The following ABLIM2 variants were observed in gnomAD, a reference collection of about 807,000 sequenced individuals.
ABLIM2 encodes the protein actin-binding LIM protein 2.
ABLIM2 carries 53 observed loss-of-function variants against 97.7 expected under a neutral mutation model. The observed-to-expected ratio is 0.54, with a 90% CI of 0.44 to 0.68. ABLIM2 has a LOEUF of 0.68. ABLIM2 is among the 30% of genes least tolerant of loss of function. ABLIM2 has a pLI of 0.00. For synonymous variants in ABLIM2, 361 were observed against 345.8 expected (o/e 1.04, Z -0.49); for missense variants, 835 against 867.2 (o/e 0.96, Z 0.47).
intron 1 of ABLIM2, among the ~76,000 whole-genome samples, chr4:8,144,217 G>A (rs1019807464): frequency 5.9e-5 from 9 of 152,214 alleles, no homozygotes; most frequent in African/African-American, 2.2e-4. Context: ...CTGGTGCTCG[G>A]CCAGAAATTC....
intron 8 of ABLIM2, among the ~76,000 whole-genome samples, chr4:8,051,375 T>C (rs1330261513): frequency 3.1e-5 from 4 of 129,868 alleles, no homozygotes; most frequent in Non-Finnish European, 6.5e-5. Context: ...AATGAAACCC[T>C]GTCTCTACTA....
rs1458007043 is a variant in ABLIM2, at chr4:8,127,121, C to A, written c.11-20484G>T. On this transcript the variant is annotated intron_variant, in intron 1 of 20. Coordinates refer to ENST00000447017, the MANE Select transcript of ABLIM2 (RefSeq NM_001130083.2). The surrounding 1 kb of genome is among the most constrained non-coding windows in gnomAD (Gnocchi z 7.3). ...ATTGCCACATGTCCCCCTGGGAGCA[C>A]AGGAGCACAGCTGCCTGTGGGTGAG... 1.3e-5 allele frequency among the ~76,000 whole-genome samples: 2 copies of A among 150,892 alleles called. No individual in the cohort carries two copies. The highest frequency in any genetic ancestry group is 2.9e-5 in the Non-Finnish European group (2 of 67,892).
In ABLIM2 at chr4:8,069,364, G is replaced by A. The variant is rs561556314; in HGVS notation, c.675+8264C>T. Among the ~76,000 whole-genome samples, 15 of 152,388 alleles carry A rather than the reference G, an allele frequency of 9.8e-5. No homozygotes were observed. The highest frequency in any genetic ancestry group is 3.4e-3 in the Middle Eastern group (1 of 294). On this transcript the variant is annotated intron_variant, in intron 6 of 20. Transcript: ENST00000447017. This position sits in a 1 kb window ranked among gnomAD's most constrained non-coding sequence, Gnocchi z 4.2. ...AGGCTAGGGCAGAATCCCGCCTGTG[G>A]ATGTTCACACGCACTGCAGCGTGTC...
At chr4:8,104,476 A>G (rs1011685830) in intron 2 of ABLIM2, among the ~76,000 whole-genome samples, 2 of 152,214 alleles carry the variant, frequency 1.3e-5, no homozygotes, top group African/African-American at 4.8e-5. Flanking sequence ...GTGGATGTAC[A>G]GGGAATCCCT....
rs4696748 is a variant in ABLIM2 at position 8,069,288 on chromosome 4, G to A, written c.676-8234C>T. 0.35 allele frequency among the ~76,000 whole-genome samples: 53,497 copies of A among 152,218 alleles called. 9,951 individuals are homozygous for A. The highest frequency in any genetic ancestry group is 0.6 in the East Asian group (3,089 of 5,166). On this transcript the variant is annotated intron_variant, in intron 6 of 20. Transcript: ENST00000447017. This position sits in a 1 kb window ranked among gnomAD's most constrained non-coding sequence, Gnocchi z 4.2. ...GAACAAGGCAACACGGTGCCCAGGA[G>A]GCCAGCCTGAGCGGCCCTAGAGGAC...
intron 6 of ABLIM2, among the ~76,000 whole-genome samples, chr4:8,065,735 C>T (rs943274189): frequency 2.6e-5 from 4 of 151,778 alleles, no homozygotes; most frequent in African/African-American, 9.7e-5. Flanking sequence ...ACCAGCTTGA[C>T]CAACATGGTG....
rs1264251706 is a variant in ABLIM2, at chr4:8,021,256, C to T, written c.1268-953G>A. Among the ~76,000 whole-genome samples the T allele has an allele frequency of 6.6e-6, 1 of 152,152 alleles. No homozygotes were observed. The highest frequency in any genetic ancestry group is 2.4e-5 in the African/African-American group (1 of 41,420). Reference sequence around the variant, plus strand: ...CACCTGGAACTATAATTCTGTTTTGCGAACAAGGTTGGATTATCAAGTCAC... The same window carrying T: ...CACCTGGAACTATAATTCTGTTTTGTGAACAAGGTTGGATTATCAAGTCAC... On this transcript the variant is annotated intron_variant, in intron 12 of 20. Coordinates refer to ENST00000447017, the MANE Select transcript of ABLIM2 (RefSeq NM_001130083.2). This position sits in a 1 kb window ranked among gnomAD's most constrained non-coding sequence, Gnocchi z 5.5.
At chr4:8,037,309 C>T (rs908656258) in intron 9 of ABLIM2, among the ~76,000 whole-genome samples, 1 of 151,000 alleles carries the variant, frequency 6.6e-6, no homozygotes, top group African/African-American at 2.5e-5. Context: ...CACACACGCA[C>T]ATGCATGCGC....
At chr4:8,010,938 A>G (rs6837516) in intron 14 of ABLIM2, among the ~76,000 whole-genome samples, 125,013 of 152,284 alleles carry the variant, frequency 0.82, 51,564 homozygotes, top group African/African-American at 0.9. Flanking sequence ...TAAGAGCACA[A>G]CCATTGTCCA....
intron 2 of ABLIM2, among the ~76,000 whole-genome samples, chr4:8,105,397 C>A (rs1332374133): frequency 6.6e-6 from 1 of 152,246 alleles, no homozygotes; most frequent in African/African-American, 2.4e-5. Flanking sequence ...CTTGCGCCTT[C>A]CTGGTCTTTA....
rs368448715 is a variant in ABLIM2, at chr4:8,024,463, C to T, written c.1267+3296G>A. Among the ~76,000 whole-genome samples, 40 of 152,278 alleles carry T rather than the reference C, an allele frequency of 2.6e-4. No homozygotes were observed. The South Asian group carries it at 4.8e-3, about 18-fold the overall frequency. On this transcript the variant is annotated intron_variant, in intron 12 of 20. Transcript: ENST00000447017. ...GCAGCCGCCCCCGTACAGTGCCGTC[C>T]GGAGGGAAATGTCCACTGAGAGGGG... is the stretch of plus-strand genomic sequence containing the variant.
At chr4:7,972,418 C>T (rs918386658) in intron 20 of ABLIM2, among the ~76,000 whole-genome samples, 1 of 152,224 alleles carries the variant, frequency 6.6e-6, no homozygotes, top group Admixed American at 6.5e-5. Flanking sequence ...AGATTGCGCT[C>T]ACCAAGCAGG....
At position 8,055,320 on chromosome 4, in the gene ABLIM2, C is replaced by T. The variant is rs527784973; in HGVS notation, c.764-1074G>A. Reference sequence around the variant, plus strand: ...CTGAACCTCAGCCTGACCTGCCGCTCCCTGTGATGGGCTGGCACTGTGCTC... The same window carrying T: ...CTGAACCTCAGCCTGACCTGCCGCTTCCTGTGATGGGCTGGCACTGTGCTC... On this transcript the variant is annotated intron_variant, in intron 7 of 20. Coordinates refer to ENST00000447017, the MANE Select transcript of ABLIM2 (RefSeq NM_001130083.2). Among the ~76,000 whole-genome samples the T allele has an allele frequency of 1.9e-4, 29 of 152,278 alleles. No individual in the cohort carries two copies. The East Asian group carries it at 4.4e-3, about 23-fold the overall frequency.
intron 10 of ABLIM2, among the ~76,000 whole-genome samples, chr4:8,034,500 G>GT (rs1782996332): frequency 3.4e-5 from 3 of 87,586 alleles, no homozygotes; most frequent in African/African-American, 4.8e-5. Context: ...GTGGGTGGGT[G>GT]GTAGGTAGGT....
chr4:8,157,786 C>A (rs1201164151), intron 1 of ABLIM2, among the ~76,000 whole-genome samples: 1 of 152,280 alleles, frequency 6.6e-6, no homozygotes. Flanking sequence ...TCCCCGCCCC[C>A]CCTTCCTGAG....
rs888131935 is a variant in ABLIM2, at chr4:8,001,601, C to A, written c.1618+6458G>T. Among the ~76,000 whole-genome samples the A allele has an allele frequency of 2.0e-5, 3 of 152,124 alleles. No homozygotes were observed. The highest frequency in any genetic ancestry group is 7.2e-5 in the African/African-American group (3 of 41,434). ...GGGCTCAGAGAGCACCCTGCCTGCC[C>A]AGCAGGAGGCCAGGCCTTCCAGAAA... is the stretch of plus-strand genomic sequence containing the variant. On this transcript the variant is annotated intron_variant, in intron 16 of 20. Transcript: ENST00000447017. The surrounding 1 kb of genome is among the most constrained non-coding windows in gnomAD (Gnocchi z 4.2).
Position 8,054,011 on chromosome 4 carries a change from A to G in ABLIM2, c.822+177T>C, listed in dbSNP as rs1464307513. Reference sequence around the variant, plus strand: ...AAGATGCCCTTGTTCCATCTGTATTATTGCTCACCAGTCTACTTGTTTACC... The same window carrying G: ...AAGATGCCCTTGTTCCATCTGTATTGTTGCTCACCAGTCTACTTGTTTACC... On this transcript the variant is annotated intron_variant, in intron 8 of 20. Coordinates refer to ENST00000447017, the MANE Select transcript of ABLIM2 (RefSeq NM_001130083.2). This position sits in a 1 kb window ranked among gnomAD's most constrained non-coding sequence, Gnocchi z 4.9. Among the ~76,000 whole-genome samples the G allele has an allele frequency of 6.6e-6, 1 of 152,044 alleles. No homozygotes were observed. Among genetic ancestry groups the G allele is most frequent in the Non-Finnish European group, 1.5e-5 (1 of 68,002 alleles).
At chr4:8,101,846 TC>T in intron 2 of ABLIM2, among the ~76,000 whole-genome samples, 1 of 152,356 alleles carries the variant, frequency 6.6e-6, no homozygotes, top group Admixed American at 6.5e-5. Context: ...TTCCAGGCAT[TC>T]TGTGCTATGC....
intron 7 of ABLIM2, 145 bp downstream of exon 7, chr4:8,060,822 C>T (rs907366408): frequency 9.0e-6 from 6 of 664,650 alleles, no homozygotes; most frequent in Non-Finnish European, 1.5e-5. Context: ...ACCGCCCTGC[C>T]CTGCCGGCTC....
Sources: gnomAD v4.1 joint callset for allele counts (sites outside exome capture counted in the v4.1 genomes callset) on GRCh38, gnomAD v4.1.1 for gene constraint, Gnocchi (gnomAD v3.1) non-coding constraint, MANE v1.5 for transcripts, NCBI Gene and HGNC (gene_info 2026-07-23, HGNC 2026-07-21) for gene names.